The following PHF21B variants were observed in gnomAD, a reference collection of about 807,000 sequenced individuals.
PHF21B encodes the protein PHD finger protein 4.
A neutral mutation model predicts 62.2 loss-of-function variants in PHF21B; 22 were observed. That is an observed-to-expected ratio of 0.35 (90% CI 0.25 to 0.51). PHF21B has a LOEUF of 0.51. Ranked by LOEUF, PHF21B falls within the 20% of genes least tolerant of loss-of-function variation. The pLI is 0.97. For missense variants in PHF21B, 701 were observed against 707.9 expected, an observed-to-expected ratio of 0.99 and a Z score of 0.11; for synonymous variants, 341 against 314.7, an observed-to-expected ratio of 1.08 and a Z score of -0.88.
At chr22:44,968,830 G>C (rs888289371) in intron 2 of PHF21B, among the ~76,000 whole-genome samples, 1 of 152,092 alleles carries the variant, frequency 6.6e-6, no homozygotes, top group Non-Finnish European at 1.5e-5. Context: ...AGGTTTCAGA[G>C]CAGATTTTTT....
At position 45,009,747 on chromosome 22, in the gene PHF21B, G is replaced by A; in HGVS notation, c.-198C>T. On this transcript the variant is annotated 5_prime_UTR_variant, in exon 1 of 13. Coordinates refer to ENST00000313237, the MANE Select transcript of PHF21B (RefSeq NM_138415.5). This position sits in a 1 kb window ranked among gnomAD's most constrained non-coding sequence, Gnocchi z 5.9. ...ACAGGCTTCCGGGCGCCGCGGCGCC[G>A]AGCCCTCGGCTGCCCCAACTCCTCA... 2 of 462,158 alleles carry A rather than the reference G, an allele frequency of 4.3e-6. No homozygotes were observed. The highest frequency in any genetic ancestry group is 3.1e-5 in the South Asian group (1 of 31,864). 28.6% of individuals were successfully genotyped at this position (462,158 alleles called of 1,614,324 possible).
chr22:44,990,548 G>A (rs1368250953), intron 2 of PHF21B, among the ~76,000 whole-genome samples: 3 of 152,224 alleles, frequency 2.0e-5, no homozygotes, highest in African/African-American at 4.8e-5. Flanking sequence ...AGTATATTAC[G>A]CTAAGTGAAA....
At chr22:44,885,672 G>T (rs1212949764) in intron 11 of PHF21B, 143 bp from the exon 12 acceptor site, 3 of 1,022,514 alleles carry the variant, frequency 2.9e-6, no homozygotes, top group African/African-American at 3.2e-5. Context: ...AAATGCACAG[G>T]ACCTGGAGCC....
At chr22:44,893,694 C>A (rs1387911281) in intron 6 of PHF21B, among the ~76,000 whole-genome samples, 161 bp from the exon 7 acceptor site, 1 of 152,206 alleles carries the variant, frequency 6.6e-6, no homozygotes, top group Non-Finnish European at 1.5e-5. Flanking sequence ...GTTAGGGCCT[C>A]CAGGAATCAC....
intron 5 of PHF21B, chr22:44,902,052 A>G: frequency 4.3e-6 from 1 of 234,298 alleles, no homozygotes; most frequent in Admixed American, 4.7e-5. Flanking sequence ...CACAGAGGCA[A>G]GAGGGCGGTT....
At chr22:44,956,160 T>C (rs1245796687) in intron 2 of PHF21B, among the ~76,000 whole-genome samples, 1 of 151,978 alleles carries the variant, frequency 6.6e-6, no homozygotes, top group African/African-American at 2.4e-5. Flanking sequence ...ACAAGCAACG[T>C]CCCACCAGGC....
At position 44,881,276 on chromosome 22, in the gene PHF21B, C is replaced by T. The variant is rs1229562649; in HGVS notation, c.*1810G>A. Reference sequence around the variant, plus strand: ...ACCCACTGGACGGTCCTCCTTGGTCCAAAAAAAACCTAACAATCTCAAGAC... The same window carrying T: ...ACCCACTGGACGGTCCTCCTTGGTCTAAAAAAAACCTAACAATCTCAAGAC... On this transcript the variant is annotated 3_prime_UTR_variant, in exon 13 of 13. Coordinates refer to ENST00000313237, the MANE Select transcript of PHF21B (RefSeq NM_138415.5). 6.6e-6 allele frequency: 1 copy of T among 152,426 alleles called. No homozygotes were observed. Among genetic ancestry groups the T allele is most frequent in the African/African-American group, 2.4e-5 (1 of 41,392 alleles). 9.4% of individuals were successfully genotyped at this position (152,426 alleles called of 1,614,324 possible). A position where few individuals can be genotyped will look rare whatever the true frequency, so the allele number is the denominator to read the frequency against.
intron 2 of PHF21B, among the ~76,000 whole-genome samples, chr22:44,944,942 C>G (rs1196503412): frequency 6.6e-6 from 1 of 152,228 alleles, no homozygotes; most frequent in Non-Finnish European, 1.5e-5. Context: ...CAGTCCTGAG[C>G]CTTCGTTTCC....
intron 4 of PHF21B, 90 bp downstream of exon 4, chr22:44,916,190 G>A: frequency 3.2e-6 from 4 of 1,243,402 alleles, no homozygotes; most frequent in Non-Finnish European, 4.5e-6. Flanking sequence ...TCCTGCCTGG[G>A]CTTGTTCATT....
intron 2 of PHF21B, among the ~76,000 whole-genome samples, chr22:44,970,784 T>C (rs546549403): frequency 2.0e-5 from 3 of 152,290 alleles, no homozygotes; most frequent in African/African-American, 7.2e-5. Context: ...TTGGAGACTA[T>C]ACAGCCAGGA....
At chr22:44,903,613 G>A (rs2071199335) in intron 5 of PHF21B, among the ~76,000 whole-genome samples, 1 of 152,172 alleles carries the variant, frequency 6.6e-6, no homozygotes, top group Non-Finnish European at 1.5e-5. Flanking sequence ...ATAGACGTGT[G>A]TTCAAAACTG....
At chr22:44,936,723 T>G (rs2071855634) in intron 2 of PHF21B, among the ~76,000 whole-genome samples, 1 of 152,176 alleles carries the variant, frequency 6.6e-6, no homozygotes, top group Non-Finnish European at 1.5e-5. Context: ...CCAGGTTAAT[T>G]TCACTTGTTT....
intron 2 of PHF21B, among the ~76,000 whole-genome samples, chr22:44,965,101 T>TA (rs1158946566): frequency 6.6e-6 from 1 of 152,158 alleles, no homozygotes; most frequent in Non-Finnish European, 1.5e-5. Flanking sequence ...GCAGCCACTC[T>TA]GAGTCCCAGC....
At chr22:44,911,085 G>C (rs538800743) in intron 5 of PHF21B, among the ~76,000 whole-genome samples, 8 of 152,214 alleles carry the variant, frequency 5.3e-5, no homozygotes, top group Non-Finnish European at 1.2e-4. Flanking sequence ...CTGCTCTAGA[G>C]ACTTGTGGAA....
intron 2 of PHF21B, among the ~76,000 whole-genome samples, chr22:44,982,965 C>T (rs190203595): frequency 5.3e-5 from 8 of 152,212 alleles, no homozygotes; most frequent in African/African-American, 7.2e-5. Flanking sequence ...TGCAAGGGGC[C>T]GGGCGCGGTG....
intron 5 of PHF21B, among the ~76,000 whole-genome samples, chr22:44,905,968 G>A (rs1204098025): frequency 2.0e-5 from 3 of 152,118 alleles, no homozygotes; most frequent in East Asian, 3.8e-4. Flanking sequence ...TTGCCTCAGC[G>A]CTGGCCACTT....
chr22:44,921,100 G>A (rs1254352814), intron 2 of PHF21B, among the ~76,000 whole-genome samples: 1 of 152,232 alleles, frequency 6.6e-6, no homozygotes, highest in Admixed American at 6.5e-5. Flanking sequence ...GGTCCCTCAG[G>A]AGGGGGAACG....
intron 5 of PHF21B, among the ~76,000 whole-genome samples, chr22:44,903,172 T>C (rs1196691491): frequency 2.6e-5 from 4 of 152,208 alleles, no homozygotes; most frequent in Admixed American, 2.6e-4. Context: ...ACATTCTCTC[T>C]ATATTATCTC....
intron 2 of PHF21B, among the ~76,000 whole-genome samples, chr22:44,996,117 C>T (rs764292713): frequency 2.0e-5 from 3 of 152,180 alleles, no homozygotes; most frequent in African/African-American, 2.4e-5. Context: ...CACATGACAA[C>T]AGGGGGGTGC....
Sources: allele counts gnomAD v4.1 joint callset (sites outside exome capture counted in the v4.1 genomes callset), GRCh38; gene constraint gnomAD v4.1.1; non-coding constraint Gnocchi (gnomAD v3.1); transcripts MANE v1.5; gene names NCBI Gene and HGNC (gene_info 2026-07-23, HGNC 2026-07-21).